SV2B: variants seen among roughly 807,000 people sequenced by gnomAD.
SV2B encodes synaptic vesicle glycoprotein 2B.
A neutral mutation model predicts 73.9 loss-of-function variants in SV2B; 41 were observed. That is an observed-to-expected ratio of 0.56 (90% CI 0.43 to 0.72). SV2B has a LOEUF of 0.72. SV2B is among the 30% of genes least tolerant of loss of function. The pLI, the probability that SV2B is intolerant of heterozygous loss-of-function variation, is 0.00. For synonymous variants in SV2B, 314 were observed against 314.2 expected (o/e 1.00, Z 0.01); for missense variants, 764 against 857.8 (o/e 0.89, Z 1.37).
At chr15:91,143,748 C>T (rs1354507220) in intron 1 of SV2B, among the ~76,000 whole-genome samples, 2 of 152,136 alleles carry the variant, frequency 1.3e-5, no homozygotes, top group Non-Finnish European at 2.9e-5. Flanking sequence ...GATGTTTGTT[C>T]TGTTTAGAAA....
rs1326453666 is a variant in SV2B at position 91,284,743 on chromosome 15, G to C, written c.1708+522G>C. On this transcript the variant is annotated intron_variant, in intron 11 of 12. Coordinates refer to ENST00000394232, the MANE Select transcript of SV2B (RefSeq NM_001323032.3). The surrounding 1 kb of genome is among the most constrained non-coding windows in gnomAD (Gnocchi z 4.5). ...GGCCTCAGTTTCCTTATTTATAAGA[G>C]AATGATTTTCCACATCCAGCTGGTA... is the stretch of plus-strand genomic sequence containing the variant. 6.6e-6 allele frequency among the ~76,000 whole-genome samples: 1 copy of C among 152,214 alleles called. No homozygotes were observed. Among genetic ancestry groups the C allele is most frequent in the Non-Finnish European group, 1.5e-5 (1 of 68,044 alleles).
At chr15:91,103,769 A>G (rs2041802975) in intron 1 of SV2B, among the ~76,000 whole-genome samples, 1 of 152,182 alleles carries the variant, frequency 6.6e-6, no homozygotes, top group Non-Finnish European at 1.5e-5. Flanking sequence ...AAGGTCAGAG[A>G]GTCTGGCTGG....
chr15:91,278,228 C>T (rs958925964), intron 9 of SV2B, among the ~76,000 whole-genome samples: 1 of 152,142 alleles, frequency 6.6e-6, no homozygotes, highest in Non-Finnish European at 1.5e-5. Flanking sequence ...GCAAAAAGAG[C>T]CATCTTCTCA....
Position 91,100,524 on chromosome 15 carries a change from A to G in SV2B, c.-392+161A>G, listed in dbSNP as rs1435939528. ...TGGCACAAAAGATCGGAGAGTCTTG[A>G]AAAACCGGCGCAGAAAAGCAAGGAC... On this transcript the variant is annotated intron_variant, in intron 1 of 12. Transcript: ENST00000394232. The surrounding 1 kb of genome is among the most constrained non-coding windows in gnomAD (Gnocchi z 6.4). 6.6e-6 allele frequency among the ~76,000 whole-genome samples: 1 copy of G among 152,216 alleles called. No individual in the cohort carries two copies. Among genetic ancestry groups the G allele is most frequent in the Non-Finnish European group, 1.5e-5 (1 of 68,024 alleles).
At chr15:91,230,461 A>G (rs1369155565) in intron 2 of SV2B, among the ~76,000 whole-genome samples, 1 of 152,176 alleles carries the variant, frequency 6.6e-6, no homozygotes. Flanking sequence ...CCAGGTGACA[A>G]AAATATCTGG....
At chr15:91,272,124 C>T (rs1288914938) in intron 9 of SV2B, among the ~76,000 whole-genome samples, 1 of 152,150 alleles carries the variant, frequency 6.6e-6, no homozygotes, top group African/African-American at 2.4e-5. Flanking sequence ...TCATCTGCAT[C>T]CTTCTAGTGC....
In SV2B at chr15:91,286,289, C is replaced by T. The variant is rs80109957; in HGVS notation, c.1708+2068C>T. On this transcript the variant is annotated intron_variant, in intron 11 of 12. Transcript: ENST00000394232. ...GAACCACTTTGAAATAGCCCTATCCCCACCTCTCAGACCAACCCCACTAGA... is the reference window on the plus strand; with the variant it reads ...GAACCACTTTGAAATAGCCCTATCCTCACCTCTCAGACCAACCCCACTAGA... Among the ~76,000 whole-genome samples, 1,039 of 152,282 alleles carry T rather than the reference C, an allele frequency of 6.8e-3. 21 individuals are homozygous for T. The highest frequency in any genetic ancestry group is 0.023 in the African/African-American group (972 of 41,552).
chr15:91,270,908 T>C (rs1434642589), intron 9 of SV2B, among the ~76,000 whole-genome samples: 1 of 137,216 alleles, frequency 7.3e-6, no homozygotes, highest in African/African-American at 2.9e-5. Context: ...GGACGGTGAG[T>C]CCTGTGGACG....
intron 1 of SV2B, among the ~76,000 whole-genome samples, chr15:91,194,002 T>C (rs1275890368): frequency 2.0e-5 from 3 of 151,574 alleles, no homozygotes; most frequent in Non-Finnish European, 4.4e-5. Flanking sequence ...GAGGTTTTTT[T>C]TGTTTGTTTG....
chr15:91,250,870 ATC>A (rs1298829124), intron 2 of SV2B, among the ~76,000 whole-genome samples: 3 of 152,190 alleles, frequency 2.0e-5, no homozygotes, highest in Non-Finnish European at 4.4e-5. Flanking sequence ...TTGTTAAAGT[ATC>A]TATACTGCCC....
chr15:91,176,403 C>A (rs1424167653), intron 1 of SV2B, among the ~76,000 whole-genome samples: 1 of 151,262 alleles, frequency 6.6e-6, no homozygotes, highest in African/African-American at 2.4e-5. Context: ...TGGGTATATA[C>A]CCCGTAATTG....
chr15:91,172,955 C>T (rs1395231307), intron 1 of SV2B, among the ~76,000 whole-genome samples: 1 of 151,192 alleles, frequency 6.6e-6, no homozygotes, highest in African/African-American at 2.4e-5. Flanking sequence ...TGGAAAAGTC[C>T]AGACAATACA....
intron 1 of SV2B, among the ~76,000 whole-genome samples, chr15:91,156,986 G>A (rs993386221): frequency 6.6e-6 from 1 of 152,206 alleles, no homozygotes; most frequent in African/African-American, 2.4e-5. Flanking sequence ...CAAGCTCATT[G>A]CTTGCTGCCC....
intron 1 of SV2B, among the ~76,000 whole-genome samples, chr15:91,196,827 A>G (rs1209807478): frequency 6.6e-6 from 1 of 152,208 alleles, no homozygotes; most frequent in Non-Finnish European, 1.5e-5. Flanking sequence ...GCTAATGAGT[A>G]AAAGTGTCAC....
chr15:91,172,762 C>G (rs1402501175), intron 1 of SV2B, among the ~76,000 whole-genome samples: 2 of 152,184 alleles, frequency 1.3e-5, no homozygotes, highest in Non-Finnish European at 2.9e-5. Context: ...GGCTTCATAT[C>G]TGGAAGATGG....
At chr15:91,183,099 G>A (rs922674350) in intron 1 of SV2B, among the ~76,000 whole-genome samples, 7 of 152,158 alleles carry the variant, frequency 4.6e-5, no homozygotes, top group African/African-American at 1.7e-4. Flanking sequence ...AAAGGAGAAG[G>A]CATCATTTGG....
At position 91,283,571 on chromosome 15, in the gene SV2B, G is replaced by T. The variant is rs1182435307; in HGVS notation, c.1508-450G>T. Among the ~76,000 whole-genome samples, 1 of 152,122 alleles carries T rather than the reference G, an allele frequency of 6.6e-6. No homozygotes were observed. The highest frequency in any genetic ancestry group is 1.5e-5 in the Non-Finnish European group (1 of 68,022). ...CTGCCTCAGGTGCCAGAGTAGCTGG[G>T]ACTACAGGCACACACCACCCCACCT... is the stretch of plus-strand genomic sequence containing the variant. On this transcript the variant is annotated intron_variant, in intron 10 of 12. Coordinates refer to ENST00000394232, the MANE Select transcript of SV2B (RefSeq NM_001323032.3). This position sits in a 1 kb window ranked among gnomAD's most constrained non-coding sequence, Gnocchi z 4.3.
At chr15:91,108,000 G>T (rs2041936237) in intron 1 of SV2B, among the ~76,000 whole-genome samples, 1 of 152,100 alleles carries the variant, frequency 6.6e-6, no homozygotes, top group Non-Finnish European at 1.5e-5. Flanking sequence ...TGATGATGGT[G>T]GTGTGGTGTG....
chr15:91,150,171 T>G (rs1002802294), intron 1 of SV2B, among the ~76,000 whole-genome samples: 20 of 151,866 alleles, frequency 1.3e-4, no homozygotes, highest in African/African-American at 4.8e-4. Flanking sequence ...CCCAGCCAAT[T>G]TTTTGTATTT....
Sources: allele counts gnomAD v4.1 joint callset (sites outside exome capture counted in the v4.1 genomes callset), GRCh38; gene constraint gnomAD v4.1.1; non-coding constraint Gnocchi (gnomAD v3.1); transcripts MANE v1.5; gene names NCBI Gene and HGNC (gene_info 2026-07-23, HGNC 2026-07-21).